ABCA9: variants seen among roughly 807,000 people sequenced by gnomAD.
The protein encoded by ABCA9 is ATP-binding cassette sub-family A member 9.
In ABCA9, 183 loss-of-function variants were observed where a neutral mutation model predicts 205.3. That is an observed-to-expected ratio of 0.89 (90% CI 0.79 to 1.01). ABCA9 has a LOEUF of 1.01. Ranked by LOEUF, ABCA9 falls within the 50% of genes least tolerant of loss-of-function variation. ABCA9 has a pLI of 0.00. For synonymous variants in ABCA9, 651 were observed against 683.3 expected (o/e 0.95, Z 0.74); for missense variants, 1,805 against 1,912.4 (o/e 0.94, Z 1.05).
chr17:69,042,884 A>C (rs1246758307), intron 6 of ABCA9: 1 of 152,586 alleles, frequency 6.6e-6, no homozygotes, highest in Non-Finnish European at 1.5e-5. Context: ...CATGGAAGAC[A>C]GTTTTTCCAC....
At chr17:69,019,750 G>A (rs2070752492) in intron 19 of ABCA9, 1 of 152,222 alleles carries the variant, frequency 6.6e-6, no homozygotes, top group Non-Finnish European at 1.5e-5. Flanking sequence ...GGGGGTACAT[G>A]TGAACCTTAT....
At chr17:69,002,968 T>C (rs540032836) in intron 25 of ABCA9, among the ~76,000 whole-genome samples, 2 of 145,888 alleles carry the variant, frequency 1.4e-5, no homozygotes, top group African/African-American at 2.6e-5. Flanking sequence ...TCCATTTGCT[T>C]GGTAGATCTT....
At chr17:69,050,664 C>T (rs2071874356) in intron 2 of ABCA9, among the ~76,000 whole-genome samples, 2 of 152,000 alleles carry the variant, frequency 1.3e-5, no homozygotes, top group Admixed American at 1.3e-4. Flanking sequence ...TTTGGATTCC[C>T]TGCTTCTTTT....
intron 25 of ABCA9, among the ~76,000 whole-genome samples, chr17:68,999,341 T>A (rs865995184): frequency 2.7e-4 from 37 of 135,896 alleles, no homozygotes; most frequent in African/African-American, 9.9e-4. Flanking sequence ...GTGATCTCAT[T>A]GTTCAATTCC....
chr17:69,058,367 T>G (rs2072132881), intron 1 of ABCA9, among the ~76,000 whole-genome samples: 1 of 152,062 alleles, frequency 6.6e-6, no homozygotes, highest in South Asian at 2.1e-4. Context: ...AAGCCATGAA[T>G]ATGCTGACCC....
chr17:69,001,758 TG>T (rs1477065457), intron 25 of ABCA9, among the ~76,000 whole-genome samples: 2 of 150,972 alleles, frequency 1.3e-5, no homozygotes, highest in Non-Finnish European at 3.0e-5. Context: ...GGACTCTTTT[TG>T]GTTGGTAAGC....
intron 22 of ABCA9, among the ~76,000 whole-genome samples, chr17:69,014,230 C>T (rs1211775426): frequency 2.0e-5 from 3 of 152,096 alleles, no homozygotes; most frequent in Admixed American, 6.6e-5. Flanking sequence ...CAACATGACA[C>T]TACAAGTGGA....
chr17:69,016,269 C>A lies in ABCA9; in HGVS notation c.3023G>T (p.Arg1008Ile). Residue 1008 changes from arginine (R) to isoleucine (I), a missense_variant, in exon 22 of 39, where the codon AGA becomes ATA. Coordinates refer to ENST00000340001, the MANE Select transcript of ABCA9 (RefSeq NM_080283.4). The stretch of plus-strand genomic sequence containing the variant: ...TATACTTACTTCAAAAAATGTGCTT[C>A]TGTCAGTCTGAATGTGTTCTGACGA... ...FNSSEHIQTD[R>I]STFFEEHMDY... 6.3e-7 allele frequency: 1 copy of A among 1,579,422 alleles called. No individual in the cohort carries two copies. The highest frequency in any genetic ancestry group is 8.6e-7 in the Non-Finnish European group (1 of 1,167,560).
At position 68,982,649 on chromosome 17, in the gene ABCA9, G is replaced by C; in HGVS notation, c.4641-8C>G. 6.2e-7 allele frequency: 1 copy of C among 1,612,438 alleles called. No homozygotes were observed. Among genetic ancestry groups the C allele is most frequent in the Non-Finnish European group, 8.5e-7 (1 of 1,178,528 alleles). ...ACCATCAGGGAGGAGAACCTGCGAA[G>C]AGAAGACAGTGAGGCTGAACTCCAG... On this transcript the variant is annotated splice_region_variant and splice_polypyrimidine_tract_variant and intron_variant, in intron 36 of 38. Coordinates refer to ENST00000340001, the MANE Select transcript of ABCA9 (RefSeq NM_080283.4).
chr17:69,027,899 T>A lies in ABCA9; in HGVS notation c.1616-84A>T, dbSNP rs2071045172. 6 of 1,066,554 alleles carry A rather than the reference T, an allele frequency of 5.6e-6. No homozygotes were observed. In the Admixed American group the frequency reaches 1.5e-4, roughly 26 times the overall value. 66.1% of individuals were successfully genotyped at this position (1,066,554 alleles called of 1,614,324 possible). ...CTTTTAAAATGGAAAACACTGTATG[T>A]CAATTATTAGATTCATTTCAACATT... On this transcript the variant is annotated intron_variant, in intron 12 of 38. Coordinates refer to ENST00000340001, the MANE Select transcript of ABCA9 (RefSeq NM_080283.4).
At chr17:69,041,887 C>A (rs1367427955) in intron 6 of ABCA9, among the ~76,000 whole-genome samples, 1 of 152,134 alleles carries the variant, frequency 6.6e-6, no homozygotes, top group Non-Finnish European at 1.5e-5. Flanking sequence ...GTATATTGAA[C>A]ACTTGTGTAG....
intron 31 of ABCA9, among the ~76,000 whole-genome samples, chr17:68,988,118 T>C (rs2069308426): frequency 6.6e-6 from 1 of 152,162 alleles, no homozygotes; most frequent in Non-Finnish European, 1.5e-5. Context: ...AGAGTGGAAA[T>C]GGAAGGACAG....
chr17:69,067,089 G>C, the ABCA9 span, among the ~76,000 whole-genome samples: 2 of 151,852 alleles, frequency 1.3e-5, no homozygotes, highest in African/African-American at 2.4e-5. Context: ...AATAAACTGA[G>C]TTACTCATAC....
Position 69,026,956 on chromosome 17 carries a change from T to C in ABCA9, c.2050+20A>G, listed in dbSNP as rs776717127. 23 of 1,613,122 alleles carry C rather than the reference T, an allele frequency of 1.4e-5. No homozygotes were observed. Among genetic ancestry groups the C allele is most frequent in the Middle Eastern group, 1.6e-4 (1 of 6,078 alleles). ...GTCTCTAACCTCTCATGAAGATACA[T>C]AAGAGAAACAAAAAATTACCCGCCA... On this transcript the variant is annotated intron_variant, in intron 15 of 38. Transcript: ENST00000340001.
upstream of ABCA9, among the ~76,000 whole-genome samples, chr17:69,064,536 T>A (rs375089242): frequency 6.6e-6 from 1 of 152,234 alleles, no homozygotes; most frequent in African/African-American, 2.4e-5. Context: ...CCCAGGAAGC[T>A]TTAGTTTTCT....
At chr17:69,006,056 A>T (rs184857177) in intron 25 of ABCA9, among the ~76,000 whole-genome samples, 127 of 152,248 alleles carry the variant, frequency 8.3e-4, no homozygotes, top group Non-Finnish European at 1.3e-3. Flanking sequence ...CATATAGCTA[A>T]TTTTTTTAAC....
At chr17:69,049,226 A>T in intron 3 of ABCA9, 57 bp downstream of exon 3, 1 of 1,441,552 alleles carries the variant, frequency 6.9e-7, no homozygotes, top group Non-Finnish European at 9.5e-7. Context: ...GAAATCTCAA[A>T]ATGAATTTGT....
At position 68,976,165 on chromosome 17, in the gene ABCA9, C is replaced by A; in HGVS notation, c.4746G>T (p.Glu1582Asp). 1 of 1,614,086 alleles carries A rather than the reference C, an allele frequency of 6.2e-7. No individual in the cohort carries two copies. The part of the protein sequence containing the change: ...EIVKQSFDLE[E>D]YSLSQSTLEQ... ...CCAGGGTAGACTGTGAGAGGCTGTA[C>A]TCCTCCAGGTCGAAACTCTGTTTAA... The change falls in exon 38 of 39, where the codon GAG (glutamate) becomes GAT (aspartate). Residue 1582 changes from glutamate to aspartate, a missense_variant. Physicochemically the swap from Glu to Asp is conservative, Grantham distance 45. Coordinates refer to ENST00000340001, the MANE Select transcript of ABCA9 (RefSeq NM_080283.4).
At position 69,017,799 on chromosome 17, in the gene ABCA9, GGCAAAGATTAAAGGAA is replaced by G. The variant is rs768114172; in HGVS notation, c.2768-26_2768-11del. The stretch of plus-strand genomic sequence containing the variant: ...TTATCAATGGTTGACCCTACATGAA[GGCAAAGATTAAAGGAA>G]GCAAAAATGAAATAAAACAATAGTC... On this transcript the variant is annotated splice_polypyrimidine_tract_variant and intron_variant, in intron 20 of 38. Coordinates refer to ENST00000340001, the MANE Select transcript of ABCA9 (RefSeq NM_080283.4). 6.2e-7 allele frequency: 1 copy of G among 1,609,806 alleles called. No individual in the cohort carries two copies. Among genetic ancestry groups the G allele is most frequent in the Non-Finnish European group, 8.5e-7 (1 of 1,178,002 alleles).
Sources: gnomAD v4.1 joint callset for allele counts (sites outside exome capture counted in the v4.1 genomes callset) on GRCh38, gnomAD v4.1.1 for gene constraint, MANE v1.5 for transcripts, NCBI Gene and HGNC (gene_info 2026-07-23, HGNC 2026-07-21) for gene names.